CRLF3: variants seen among roughly 807,000 people sequenced by gnomAD.
The protein encoded by CRLF3 is cytokine receptor-like factor 3.
In CRLF3, 33 loss-of-function variants were observed where a neutral mutation model predicts 55.0. The ratio of observed to expected loss-of-function variants is 0.60; its 90% CI spans 0.46 to 0.80. The LOEUF (loss-of-function observed/expected upper bound fraction) is 0.80, where lower values mean the gene tolerates loss of function less well. Ranked by LOEUF, CRLF3 falls within the 30% of genes least tolerant of loss-of-function variation. The probability of loss-of-function intolerance (pLI) is 0.00; values close to 1 mark genes in which losing one functional copy is unlikely to be tolerated. For missense variants in CRLF3, 494 were observed against 538.4 expected (o/e 0.92, Z 0.82); for synonymous variants, 238 against 196.8 (o/e 1.21, Z -1.75).
rs1168644892 is a variant in CRLF3, at chr17:30,784,085, AG to A, written c.*101del. 1 of 1,038,116 alleles carries A rather than the reference AG, an allele frequency of 9.6e-7. No homozygotes were observed. Among genetic ancestry groups the A allele is most frequent in the Non-Finnish European group, 1.4e-6 (1 of 709,294 alleles). The allele number at this position is 1,038,116 out of a possible 1,614,324, so 64.3% of individuals were successfully genotyped here. A position where few individuals can be genotyped will look rare whatever the true frequency, so the allele number is the denominator to read the frequency against. ...CCAGTAAACACTTTCCAATGGCCTA[AG>A]TTAGAGATGAATTCAACTTTTTTTT... On this transcript the variant is annotated 3_prime_UTR_variant, in exon 8 of 8. Transcript: ENST00000324238.
chr17:30,793,726 A>T, intron 4 of CRLF3, 54 bp from the exon 5 acceptor site: 1 of 1,309,242 alleles, frequency 7.6e-7, no homozygotes, highest in Non-Finnish European at 1.1e-6. Flanking sequence ...TTCTCTCAGC[A>T]TCACTGCTTA....
In CRLF3 at chr17:30,784,134, G is replaced by C; in HGVS notation, c.*53C>G. The C allele has an allele frequency of 1.3e-6, 2 of 1,533,766 alleles. No homozygotes were observed. Among genetic ancestry groups the C allele is most frequent in the East Asian group, 2.3e-5 (1 of 44,124 alleles). On this transcript the variant is annotated 3_prime_UTR_variant, in exon 8 of 8. Transcript: ENST00000324238. ...TTTTAAAGCAATTACAACTACGCTG[G>C]GCTGAGGACAGCTACGTTAGACCCT... is the stretch of plus-strand genomic sequence containing the variant.
chr17:30,801,578 C>G lies in CRLF3; in HGVS notation c.337+2323G>C, dbSNP rs1265785288. 3.3e-5 allele frequency among the ~76,000 whole-genome samples: 5 copies of G among 151,918 alleles called. No individual in the cohort carries two copies. The South Asian group carries it at 6.2e-4, about 19-fold the overall frequency. Reference sequence around the variant, plus strand: ...CCCGAGTAACTGGAATTACAGGTGCCCACCACCACGTCTGGCTAAATTTTG... The same window carrying G: ...CCCGAGTAACTGGAATTACAGGTGCGCACCACCACGTCTGGCTAAATTTTG... On this transcript the variant is annotated intron_variant, in intron 2 of 7. Coordinates refer to ENST00000324238, the MANE Select transcript of CRLF3 (RefSeq NM_015986.4).
At chr17:30,820,560 G>A in intron 1 of CRLF3, among the ~76,000 whole-genome samples, 1 of 152,090 alleles carries the variant, frequency 6.6e-6, no homozygotes, top group Non-Finnish European at 1.5e-5. Context: ...GGAGGCTGAG[G>A]TGGGCAGGAT....
At position 30,786,019 on chromosome 17, in the gene CRLF3, C is replaced by T. The variant is rs368754350; in HGVS notation, c.972G>A (p.Val324=). Residue 324 remains valine (V), a synonymous_variant, in exon 7 of 8, where the codon GTG becomes GTA. Transcript: ENST00000324238. ...GQTLTFRVET[V]GQPDRRDSIG... ...TGCTATCTCTTCTGTCTGGCTGTCC[C>T]ACAGTTTCAACTCTGTAAATGAAGT... The T allele has an allele frequency of 1.5e-4, 234 of 1,598,618 alleles. 2 individuals are homozygous for T. Among genetic ancestry groups the T allele is most frequent in the Non-Finnish European group, 1.9e-4 (224 of 1,167,006 alleles).
In CRLF3 at chr17:30,824,690, A is replaced by T. The variant is rs758452006; in HGVS notation, c.-39T>A. On this transcript the variant is annotated 5_prime_UTR_variant, in exon 1 of 8. Transcript: ENST00000324238. ...CGGCGAAACCTAGCGCGGGTTCCCG[A>T]CTGCACCGGGCGCCTCCAAGCGGCC... The T allele has an allele frequency of 5.1e-6, 8 of 1,557,850 alleles. No individual in the cohort carries two copies. Among genetic ancestry groups the T allele is most frequent in the Non-Finnish European group, 6.9e-6 (8 of 1,158,686 alleles).
At chr17:30,784,997 C>T (rs1315298029) in intron 7 of CRLF3, 1 of 152,546 alleles carries the variant, frequency 6.6e-6, no homozygotes, top group African/African-American at 2.4e-5. Flanking sequence ...ATCCACCCAC[C>T]TTGGCCTCCC....
intron 6 of CRLF3, 122 bp from the exon 7 acceptor site, chr17:30,786,153 A>G: frequency 3.2e-6 from 2 of 624,904 alleles, no homozygotes; most frequent in South Asian, 3.9e-5. Context: ...TAGTACAGCA[A>G]CCATGATTGA....
chr17:30,796,147 C>T lies in CRLF3; in HGVS notation c.603+13G>A, dbSNP rs575186230. 3.6e-5 allele frequency: 57 copies of T among 1,565,416 alleles called. No homozygotes were observed. Among genetic ancestry groups the T allele is most frequent in the Non-Finnish European group, 4.6e-5 (53 of 1,154,192 alleles). ...TAATGTGGAAGTCATTTCTAGAATT[C>T]TGAATTACATACCTTACACCATCGT... On this transcript the variant is annotated intron_variant, in intron 4 of 7. Transcript: ENST00000324238.
rs754901398 is a variant in CRLF3, at chr17:30,784,464, G to A, written c.1073-21C>T. The A allele has an allele frequency of 5.2e-5, 83 of 1,596,874 alleles. 2 individuals are homozygous for A. In the South Asian group the frequency reaches 9.1e-4, roughly 17 times the overall value. The stretch of plus-strand genomic sequence containing the variant: ...TGCACCTAAAATGTTAAGGTAAAGA[G>A]TCATTTACATGTGAGCAATAACTAA... On this transcript the variant is annotated intron_variant, in intron 7 of 7. Transcript: ENST00000324238.
intron 1 of CRLF3, among the ~76,000 whole-genome samples, chr17:30,808,748 A>G (rs958061689): frequency 2.6e-5 from 4 of 151,098 alleles, no homozygotes; most frequent in African/African-American, 9.8e-5. Context: ...ATGCGCCACC[A>G]AGCCCAGCTA....
chr17:30,817,778 C>T (rs957008069), intron 1 of CRLF3, among the ~76,000 whole-genome samples: 2 of 150,904 alleles, frequency 1.3e-5, no homozygotes, highest in South Asian at 2.1e-4. Context: ...TGGTGGCAGG[C>T]GCCTGTAGTC....
intron 5 of CRLF3, among the ~76,000 whole-genome samples, chr17:30,793,115 C>T (rs149084909): frequency 0.042 from 6,400 of 151,132 alleles, 346 homozygotes; most frequent in African/African-American, 0.13. Flanking sequence ...CCAGCCTGGG[C>T]GACAGAGTGA....
At chr17:30,790,749 TG>T (rs1971779930) in intron 6 of CRLF3, 1 of 151,236 alleles carries the variant, frequency 6.6e-6, no homozygotes, top group Non-Finnish European at 1.5e-5. Flanking sequence ...CCCGAGTAGC[TG>T]GGACTACAGG....
intron 1 of CRLF3, among the ~76,000 whole-genome samples, chr17:30,811,284 G>A (rs1199142512): frequency 6.6e-6 from 1 of 151,736 alleles, no homozygotes; most frequent in African/African-American, 2.4e-5. Flanking sequence ...GTGAAACCCT[G>A]TCGCTGCTAA....
intron 1 of CRLF3, among the ~76,000 whole-genome samples, chr17:30,813,258 A>C (rs1904679688): frequency 6.6e-6 from 1 of 152,238 alleles, no homozygotes; most frequent in South Asian, 2.1e-4. Context: ...CACAACATTC[A>C]TAAAGGCATT....
intron 1 of CRLF3, among the ~76,000 whole-genome samples, chr17:30,823,407 A>G (rs961093621): frequency 6.6e-6 from 1 of 151,788 alleles, no homozygotes; most frequent in African/African-American, 2.4e-5. Context: ...ATATGTTTGT[A>G]TATGTTTTAT....
At chr17:30,811,803 C>CAAAAAAAA (rs915710879) in intron 1 of CRLF3, among the ~76,000 whole-genome samples, 1 of 27,752 alleles carries the variant, frequency 3.6e-5, no homozygotes, top group Non-Finnish European at 6.2e-5. Context: ...GACTCTGTCT[C>CAAAAAAAA]AAAAAAAAAA....
chr17:30,790,185 G>A (rs566853722), intron 6 of CRLF3, among the ~76,000 whole-genome samples: 1 of 152,200 alleles, frequency 6.6e-6, no homozygotes, highest in African/African-American at 2.4e-5. Flanking sequence ...TATTCTCCAT[G>A]CCTTAAATAA....
Sources: allele counts gnomAD v4.1 joint callset (sites outside exome capture counted in the v4.1 genomes callset), GRCh38; gene constraint gnomAD v4.1.1; transcripts MANE v1.5; gene names NCBI Gene and HGNC (gene_info 2026-07-23, HGNC 2026-07-21).